COL5A1: variants seen among roughly 807,000 people sequenced by gnomAD.
The protein encoded by COL5A1 is collagen alpha-1(V) chain.
COL5A1 carries 16 observed loss-of-function variants against 263.7 expected under a neutral mutation model. That is an observed-to-expected ratio of 0.06 (90% CI 0.04 to 0.09). The LOEUF (loss-of-function observed/expected upper bound fraction) is 0.09. Among genes scored for constraint, COL5A1 ranks in the 10% least tolerant of loss-of-function variants. The probability of loss-of-function intolerance (pLI) is 1.00; values close to 1 mark genes in which losing one functional copy is unlikely to be tolerated. For missense variants in COL5A1, 2,036 were observed against 2,540.5 expected (o/e 0.80, Z 4.27); for synonymous variants, 1,012 against 1,004.5 (o/e 1.01, Z -0.14).
At chr9:134,766,413 C>T (rs374023758) in intron 21 of COL5A1, 41 bp from the exon 22 acceptor site, 199 of 1,604,380 alleles carry the variant, frequency 1.2e-4, no homozygotes, top group South Asian at 9.9e-5. Flanking sequence ...TGAGTTCTTT[C>T]GCATTCAGTT....
chr9:134,759,229 C>T (rs1217787737), intron 18 of COL5A1, among the ~76,000 whole-genome samples: 1 of 142,268 alleles, frequency 7.0e-6, no homozygotes, highest in Non-Finnish European at 1.5e-5. Context: ...CACACCCACA[C>T]ATACACCACA....
At chr9:134,655,511 A>T (rs1831938260) in intron 1 of COL5A1, among the ~76,000 whole-genome samples, 1 of 152,084 alleles carries the variant, frequency 6.6e-6, no homozygotes, top group Non-Finnish European at 1.5e-5. Context: ...TCAAGTGGGC[A>T]TGAGAATAAT....
At chr9:134,738,617 C>T in intron 10 of COL5A1, 102 bp downstream of exon 10, 2 of 1,564,204 alleles carry the variant, frequency 1.3e-6, no homozygotes, top group Non-Finnish European at 8.8e-7. Flanking sequence ...GGGGGGCTCT[C>T]CGCTTTTGCA....
intron 10 of COL5A1, 34 bp downstream of exon 10, chr9:134,738,549 AGGTGCTCTT>A: frequency 3.7e-6 from 6 of 1,613,858 alleles, no homozygotes; most frequent in Non-Finnish European, 5.1e-6. Flanking sequence ...GACTTGCAGA[AGGTGCTCTT>A]GGTGGGGTGG....
rs758427867 is a variant in COL5A1, at chr9:134,842,214, G to T, written c.5428G>T (p.Val1810Leu). ...GATCGACACCCCCAAAGTGGAGCAG[G>T]TGCCCATCGTGGACATCATGTTCAA... is the stretch of plus-strand genomic sequence containing the variant. ...LEIDTPKVEQVPIVDIMFNDF... is the reference protein window; with the variant it reads ...LEIDTPKVEQLPIVDIMFNDF... The change falls in exon 66 of 66, where the codon GTG (valine) becomes TTG (leucine). Residue 1810 changes from valine to leucine, a missense_variant. Physicochemically the swap from Val to Leu is conservative, Grantham distance 32 (BLOSUM62 1). Transcript: ENST00000371817. This position sits in a 1 kb window ranked among gnomAD's most constrained non-coding sequence, Gnocchi z 5.8. The T allele has an allele frequency of 6.2e-7, 1 of 1,614,228 alleles. No individual in the cohort carries two copies. Among genetic ancestry groups the T allele is most frequent in the South Asian group, 1.1e-5 (1 of 91,086 alleles).
At chr9:134,671,177 C>T (rs1168261404) in intron 1 of COL5A1, among the ~76,000 whole-genome samples, 1 of 152,244 alleles carries the variant, frequency 6.6e-6, no homozygotes, top group East Asian at 1.9e-4. Context: ...GCAGACGGAG[C>T]TGTTCAGACA....
chr9:134,759,659 C>A (rs1328141499), intron 18 of COL5A1, among the ~76,000 whole-genome samples: 1 of 120,584 alleles, frequency 8.3e-6, no homozygotes, highest in Non-Finnish European at 1.6e-5. Flanking sequence ...TGCACACATA[C>A]GCATGCACAC....
chr9:134,824,854 T>C lies in COL5A1; in HGVS notation c.4953T>C (p.Asp1651=). The change falls in exon 62 of 66, where the codon GAT becomes GAC. Residue 1651 remains aspartate (D), a splice_region_variant and synonymous_variant. Transcript: ENST00000371817. ...DLQLCHPDFP[D]GEYWVDPNQG... is the part of the protein sequence containing the mutation. ...AGCTCTGCCACCCCGACTTCCCAGA[T>C]GGTGAGGGCCTGGGGGGGCAGGGGT... is the stretch of plus-strand genomic sequence containing the variant. 1 of 1,611,394 alleles carries C rather than the reference T, an allele frequency of 6.2e-7. No individual in the cohort carries two copies. Among genetic ancestry groups the C allele is most frequent in the Non-Finnish European group, 8.5e-7 (1 of 1,179,378 alleles).
intron 1 of COL5A1, among the ~76,000 whole-genome samples, chr9:134,667,929 C>G (rs7032489): frequency 0.23 from 35,513 of 152,044 alleles, 5,200 homozygotes; most frequent in African/African-American, 0.41. Flanking sequence ...AGCCTCTGCT[C>G]TTCCTACCAG....
rs1272186426 is a variant in COL5A1, at chr9:134,841,603, G to C, written c.5371-554G>C. 6.6e-6 allele frequency among the ~76,000 whole-genome samples: 1 copy of C among 152,122 alleles called. No homozygotes were observed. Among genetic ancestry groups the C allele is most frequent in the Non-Finnish European group, 1.5e-5 (1 of 68,024 alleles). ...GTCCCCACCCCTTCCCATACTTGTGGAGGTGAAGACCCAGCCCACCGAGTG... is the reference window on the plus strand; with the variant it reads ...GTCCCCACCCCTTCCCATACTTGTGCAGGTGAAGACCCAGCCCACCGAGTG... On this transcript the variant is annotated intron_variant, in intron 65 of 65. Transcript: ENST00000371817. This position sits in a 1 kb window ranked among gnomAD's most constrained non-coding sequence, Gnocchi z 4.8.
chr9:134,818,968 G>A lies in COL5A1; in HGVS notation c.4393-32G>A, dbSNP rs1348391027. On this transcript the variant is annotated intron_variant, in intron 56 of 65. Transcript: ENST00000371817. This position sits in a 1 kb window ranked among gnomAD's most constrained non-coding sequence, Gnocchi z 6.0. ...CTTCGCCACCCAAAGCCCCAAGGATGAGGACTCTGATCCCCCTGCCTCCTC... is the reference window on the plus strand; with the variant it reads ...CTTCGCCACCCAAAGCCCCAAGGATAAGGACTCTGATCCCCCTGCCTCCTC... The A allele has an allele frequency of 1.2e-6, 2 of 1,613,100 alleles. No homozygotes were observed. Among genetic ancestry groups the A allele is most frequent in the Non-Finnish European group, 1.7e-6 (2 of 1,179,778 alleles).
rs1836085204 is a variant in COL5A1 at position 134,758,726 on chromosome 9, A to G, written c.1935+430A>G. The stretch of plus-strand genomic sequence containing the variant: ...GGGGTGGGGACAATCTCAAGTGGCC[A>G]TGTGGAGACCAGGTCACGAAAACAT... On this transcript the variant is annotated intron_variant, in intron 18 of 65. Transcript: ENST00000371817. This position sits in a 1 kb window ranked among gnomAD's most constrained non-coding sequence, Gnocchi z 4.1. Among the ~76,000 whole-genome samples the G allele has an allele frequency of 1.3e-5, 2 of 152,286 alleles. No individual in the cohort carries two copies. Among genetic ancestry groups the G allele is most frequent in the East Asian group, 3.9e-4 (2 of 5,182 alleles).
chr9:134,795,227 C>T, intron 33 of COL5A1, 35 bp from the exon 34 acceptor site: 1 of 1,613,704 alleles, frequency 6.2e-7, no homozygotes, highest in Non-Finnish European at 8.5e-7. Context: ...TGTGTCGGGA[C>T]TTGAGCTGAC....
chr9:134,766,565 T>A (rs1836674569), intron 22 of COL5A1, 67 bp downstream of exon 22: 2 of 1,508,914 alleles, frequency 1.3e-6, no homozygotes, highest in African/African-American at 1.4e-5. Flanking sequence ...CTTGCCTGGC[T>A]AGGGAGGTCC....
intron 9 of COL5A1, among the ~76,000 whole-genome samples, 188 bp from the exon 10 acceptor site, chr9:134,738,286 G>A (rs547197882): frequency 1.3e-5 from 2 of 152,330 alleles, no homozygotes; most frequent in Admixed American, 6.5e-5. Flanking sequence ...GCCAGCGAGT[G>A]CCAGGAGGAC....
rs7025035 is a variant in COL5A1, at chr9:134,757,110, G to A, written c.1881+292G>A. 0.049 allele frequency among the ~76,000 whole-genome samples: 7,391 copies of A among 152,202 alleles called. 234 individuals are homozygous for A. The highest frequency in any genetic ancestry group is 0.088 in the Middle Eastern group (26 of 294). ...TCCGTGGCCGTGCAGGTGACGAGGC[G>A]CATGTAGGGCAGAGGCGGGGCATAT... is the stretch of plus-strand genomic sequence containing the variant. On this transcript the variant is annotated intron_variant, in intron 17 of 65. Transcript: ENST00000371817. The surrounding 1 kb of genome is among the most constrained non-coding windows in gnomAD (Gnocchi z 6.2).
At chr9:134,691,782 C>G (rs1025721829) in intron 2 of COL5A1, 15 of 152,606 alleles carry the variant, frequency 9.8e-5, no homozygotes, top group African/African-American at 3.6e-4. Flanking sequence ...CTAAAATGAG[C>G]TCCTCTTTCT....
Position 134,818,714 on chromosome 9 carries a change from C to T in COL5A1, c.4289C>T (p.Ala1430Val). 3.7e-6 allele frequency: 6 copies of T among 1,610,914 alleles called. No homozygotes were observed. Among genetic ancestry groups the T allele is most frequent in the Non-Finnish European group, 5.1e-6 (6 of 1,179,094 alleles). ...ACTGGCCCCATCGGCCCCCAGGGGG[C>T]CCCTGGGAAGCCCGGACCGGATGGC... ...GKTGPIGPQG[A>V]PGKPGPDGLR... Residue 1430 changes from alanine to valine, a missense_variant, in exon 55 of 66, where the codon GCC becomes GTC. Ala to Val is a moderately conservative substitution (Grantham distance 64). Around this residue, in one of 3 missense-constraint regions of COL5A1, gnomAD observed 1,078 missense variants for 1,521.4 expected, o/e 0.71. Transcript: ENST00000371817. This position sits in a 1 kb window ranked among gnomAD's most constrained non-coding sequence, Gnocchi z 6.0.
chr9:134,842,697 C>T lies in COL5A1; in HGVS notation c.*394C>T. On this transcript the variant is annotated 3_prime_UTR_variant, in exon 66 of 66. Coordinates refer to ENST00000371817, the MANE Select transcript of COL5A1 (RefSeq NM_000093.5). This position sits in a 1 kb window ranked among gnomAD's most constrained non-coding sequence, Gnocchi z 5.8. ...ACACTATATTTTTTTCTAAATTCAA[C>T]TTGAAGATGTGTATTTCCCCTGACC... is the stretch of plus-strand genomic sequence containing the variant. The T allele has an allele frequency of 7.0e-6, 2 of 283,736 alleles. No individual in the cohort carries two copies. The highest frequency in any genetic ancestry group is 1.4e-5 in the Non-Finnish European group (2 of 147,558). 17.6% of individuals were successfully genotyped at this position (283,736 alleles called of 1,614,324 possible).
Sources: gnomAD v4.1 joint callset for allele counts (sites outside exome capture counted in the v4.1 genomes callset) on GRCh38, gnomAD v4.1.1 for gene constraint, gnomAD v4.1.1 regional missense constraint, Gnocchi (gnomAD v3.1) non-coding constraint, MANE v1.5 for transcripts, NCBI Gene and HGNC (gene_info 2026-07-23, HGNC 2026-07-21) for gene names.